Variants in MACROD2 observed in about 807,000 individuals in gnomAD.
The protein encoded by MACROD2 is mono-ADP ribosylhydrolase 2.
MACROD2 carries 36 observed loss-of-function variants against 70.4 expected under a neutral mutation model. The observed-to-expected ratio is 0.51, with a 90% CI of 0.39 to 0.68. MACROD2 has a LOEUF of 0.68. MACROD2 is among the 30% of genes least tolerant of loss of function. MACROD2 has a pLI of 0.00. For synonymous variants in MACROD2, 172 were observed against 178.8 expected (o/e 0.96, Z 0.30); for missense variants, 496 against 538.4 (o/e 0.92, Z 0.78).
chr20:14,312,494 C>A (rs1263706302), intron 3 of MACROD2, among the ~76,000 whole-genome samples: 1 of 152,120 alleles, frequency 6.6e-6, no homozygotes, highest in Non-Finnish European at 1.5e-5. Flanking sequence ...TGAGCACTAC[C>A]ATGTACAAAG....
intron 2 of MACROD2, among the ~76,000 whole-genome samples, chr20:14,077,904 T>C (rs2053935034): frequency 1.3e-5 from 2 of 150,436 alleles, no homozygotes; most frequent in African/African-American, 2.4e-5. Context: ...CTTTTTTTTT[T>C]TTTTTTTTCT....
chr20:14,498,454 A>G (rs1357475661), intron 4 of MACROD2, among the ~76,000 whole-genome samples: 2 of 152,186 alleles, frequency 1.3e-5, no homozygotes, highest in Admixed American at 1.3e-4. Flanking sequence ...ATTGTTTGTC[A>G]GTATTGATTA....
chr20:15,627,408 G>T (rs1197299696), intron 8 of MACROD2, among the ~76,000 whole-genome samples: 1 of 152,146 alleles, frequency 6.6e-6, no homozygotes, highest in Non-Finnish European at 1.5e-5. Flanking sequence ...GAGTTTAATT[G>T]ACGTGAGGCT....
At chr20:15,628,538 A>G (rs1039438129) in intron 8 of MACROD2, among the ~76,000 whole-genome samples, 3 of 152,234 alleles carry the variant, frequency 2.0e-5, no homozygotes, top group Non-Finnish European at 2.9e-5. Context: ...TTGGTACATA[A>G]TAGACTACCC....
chr20:14,818,299 C>T (rs2072796513), intron 5 of MACROD2, among the ~76,000 whole-genome samples: 1 of 152,010 alleles, frequency 6.6e-6, no homozygotes, highest in Non-Finnish European at 1.5e-5. Flanking sequence ...TCATTTACTC[C>T]ATCTATGGGA....
At chr20:15,046,392 A>G (rs1233839890) in intron 5 of MACROD2, among the ~76,000 whole-genome samples, 1 of 152,176 alleles carries the variant, frequency 6.6e-6, no homozygotes, top group African/African-American at 2.4e-5. Flanking sequence ...ATGTTCTTCC[A>G]TTACCGCAGA....
chr20:14,656,983 C>T (rs987361312), intron 4 of MACROD2, among the ~76,000 whole-genome samples: 2 of 152,130 alleles, frequency 1.3e-5, no homozygotes, highest in African/African-American at 2.4e-5. Context: ...CCTGTCATAA[C>T]ATGTATGTGA....
At chr20:15,357,934 T>G (rs979468905) in intron 6 of MACROD2, among the ~76,000 whole-genome samples, 6 of 151,682 alleles carry the variant, frequency 4.0e-5, no homozygotes, top group Non-Finnish European at 8.8e-5. Flanking sequence ...AGCCTCCCGA[T>G]TAGCTGGGAC....
intron 3 of MACROD2, among the ~76,000 whole-genome samples, chr20:14,144,565 C>T (rs751280220): frequency 6.6e-6 from 1 of 152,166 alleles, no homozygotes; most frequent in Non-Finnish European, 1.5e-5. Context: ...AGGTATGATC[C>T]TATTGTCTGT....
chr20:15,883,038 AAAAC>A lies in MACROD2; in HGVS notation c.728-2714_728-2711del, dbSNP rs546184839. Among the ~76,000 whole-genome samples, 30 of 151,904 alleles carry A rather than the reference AAAAC, an allele frequency of 2.0e-4. No individual in the cohort carries two copies. In the South Asian group the frequency reaches 3.1e-3, roughly 16 times the overall value. Reference sequence around the variant, plus strand: ...ACTACTGACAAGATTCTTAAAAAAAAAAACAAACAAACAAAACAAAAAAAACTGC... The same window carrying A: ...ACTACTGACAAGATTCTTAAAAAAAAAAACAAACAAAACAAAAAAAACTGC... On this transcript the variant is annotated intron_variant, in intron 9 of 17. Transcript: ENST00000684519.
At chr20:15,410,652 G>GTC (rs1444822975) in intron 6 of MACROD2, among the ~76,000 whole-genome samples, 1 of 140,624 alleles carries the variant, frequency 7.1e-6, no homozygotes, top group Non-Finnish European at 1.5e-5. Flanking sequence ...ACTGAATTCT[G>GTC]TCACACACAC....
At chr20:15,798,953 C>G (rs943775862) in intron 8 of MACROD2, among the ~76,000 whole-genome samples, 6 of 152,124 alleles carry the variant, frequency 3.9e-5, no homozygotes, top group African/African-American at 1.4e-4. Context: ...AGAATGAAAA[C>G]AAATGAACAA....
chr20:14,579,654 G>A (rs1305968680), intron 4 of MACROD2, among the ~76,000 whole-genome samples: 1 of 151,784 alleles, frequency 6.6e-6, no homozygotes, highest in Admixed American at 6.6e-5. Context: ...TATTAACTTT[G>A]TCTTTTTAAA....
intron 8 of MACROD2, among the ~76,000 whole-genome samples, chr20:15,652,629 T>A (rs6514590): frequency 0.12 from 17,582 of 152,102 alleles, 1,575 homozygotes; most frequent in East Asian, 0.27. Flanking sequence ...ACATCATGGA[T>A]TTTCAGATTA....
chr20:14,360,189 G>A (rs906497841), intron 3 of MACROD2, among the ~76,000 whole-genome samples: 4 of 152,098 alleles, frequency 2.6e-5, no homozygotes, highest in Non-Finnish European at 5.9e-5. Context: ...AAGTTCAAGA[G>A]ATCTATTGTA....
At chr20:15,466,985 G>C (rs191332068) in intron 7 of MACROD2, among the ~76,000 whole-genome samples, 1 of 152,310 alleles carries the variant, frequency 6.6e-6, no homozygotes, top group East Asian at 1.9e-4. Context: ...TGCTGAAGTT[G>C]GGCATTGCAG....
At chr20:14,800,458 C>T (rs1406217334) in intron 5 of MACROD2, among the ~76,000 whole-genome samples, 1 of 152,038 alleles carries the variant, frequency 6.6e-6, no homozygotes, top group Non-Finnish European at 1.5e-5. Context: ...AAATCATTGC[C>T]TACCAAAGGT....
At chr20:15,696,087 G>C (rs1479622126) in intron 8 of MACROD2, among the ~76,000 whole-genome samples, 2 of 152,196 alleles carry the variant, frequency 1.3e-5, no homozygotes, top group African/African-American at 2.4e-5. Context: ...ATGTTGAAGA[G>C]AAGTGGTGAG....
chr20:15,014,584 A>T (rs1274895088), intron 5 of MACROD2, among the ~76,000 whole-genome samples: 1 of 152,170 alleles, frequency 6.6e-6, no homozygotes, highest in Non-Finnish European at 1.5e-5. Context: ...TAAAATCATG[A>T]CAGTGGCCTT....
Sources: gnomAD v4.1 joint callset for allele counts (sites outside exome capture counted in the v4.1 genomes callset) on GRCh38, gnomAD v4.1.1 for gene constraint, MANE v1.5 for transcripts, NCBI Gene and HGNC (gene_info 2026-07-23, HGNC 2026-07-21) for gene names.